Variants in PSMD14 observed in about 807,000 individuals in gnomAD.
PSMD14 encodes ubiquitin C-terminal hydrolase PSMD14.
In PSMD14, 7 loss-of-function variants were observed where a neutral mutation model predicts 41.2. The observed-to-expected ratio is 0.17, with a 90% CI of 0.10 to 0.32. The LOEUF is 0.32. Among genes scored for constraint, PSMD14 ranks in the 10% least tolerant of loss-of-function variants. The pLI is 1.00. For synonymous variants in PSMD14, 114 were observed against 122.3 expected (o/e 0.93, Z 0.45); for missense variants, 139 against 375.6 (o/e 0.37, Z 5.21).
At chr2:161,345,139 C>T (rs1683021780) in intron 3 of PSMD14, among the ~76,000 whole-genome samples, 1 of 151,312 alleles carries the variant, frequency 6.6e-6, no homozygotes, top group African/African-American at 2.4e-5. Flanking sequence ...ATTCTTTCCT[C>T]ATTTAATTGT....
chr2:161,335,136 T>C (rs1254497625), intron 3 of PSMD14, among the ~76,000 whole-genome samples: 2 of 152,358 alleles, frequency 1.3e-5, no homozygotes, highest in Non-Finnish European at 1.5e-5. Flanking sequence ...TAAATAGTTA[T>C]TTTTAAATAG....
At chr2:161,311,773 C>T (rs111454693) in intron 1 of PSMD14, among the ~76,000 whole-genome samples, 1 of 151,720 alleles carries the variant, frequency 6.6e-6, no homozygotes, top group Non-Finnish European at 1.5e-5. Context: ...TGCCATCACG[C>T]CCGGCTAGTT....
intron 9 of PSMD14, among the ~76,000 whole-genome samples, chr2:161,394,449 C>A (rs767901526): frequency 6.6e-6 from 1 of 152,156 alleles, no homozygotes; most frequent in Non-Finnish European, 1.5e-5. Context: ...AAGATTGACA[C>A]AAGGTCACTC....
chr2:161,312,471 TG>T (rs780827532), intron 1 of PSMD14, among the ~76,000 whole-genome samples: 6 of 152,208 alleles, frequency 3.9e-5, no homozygotes, highest in Non-Finnish European at 5.9e-5. Context: ...AAATCCAGCA[TG>T]GACATGATCT....
At chr2:161,310,107 C>T (rs781046327) in intron 1 of PSMD14, among the ~76,000 whole-genome samples, 22 of 152,016 alleles carry the variant, frequency 1.4e-4, no homozygotes, top group Non-Finnish European at 2.1e-4. Context: ...GCCAAGATCG[C>T]GCAACTGCAC....
chr2:161,359,272 C>T (rs1164556121), intron 3 of PSMD14, among the ~76,000 whole-genome samples: 3 of 152,124 alleles, frequency 2.0e-5, no homozygotes, highest in Non-Finnish European at 4.4e-5. Flanking sequence ...GTGCCTGGCC[C>T]TACTCAGTTC....
intron 10 of PSMD14, among the ~76,000 whole-genome samples, chr2:161,406,464 G>A (rs1214270748): frequency 6.6e-6 from 1 of 152,156 alleles, no homozygotes; most frequent in Non-Finnish European, 1.5e-5. Flanking sequence ...CCCTAGTGAG[G>A]ACACTGCCTG....
At chr2:161,332,331 T>C (rs1682806220) in intron 3 of PSMD14, among the ~76,000 whole-genome samples, 1 of 152,228 alleles carries the variant, frequency 6.6e-6, no homozygotes, top group East Asian at 1.9e-4. Context: ...TAAAACGTTT[T>C]CCTTACAGTC....
In PSMD14 at chr2:161,411,649, A is replaced by G. The variant is rs1336497908; in HGVS notation, c.*249A>G. 8.4e-6 allele frequency: 2 copies of G among 239,354 alleles called. No homozygotes were observed. The highest frequency in any genetic ancestry group is 4.5e-5 in the African/African-American group (2 of 44,536). 14.8% of individuals were successfully genotyped at this position (239,354 alleles called of 1,614,324 possible). On this transcript the variant is annotated 3_prime_UTR_variant, in exon 12 of 12. Transcript: ENST00000409682. ...AAATTTTGTTAAGATCCCATTTAAT[A>G]TTTGAAAAAATCAGTAGCACAAATA...
chr2:161,346,418 T>C (rs1408776770), intron 3 of PSMD14, among the ~76,000 whole-genome samples: 1 of 151,926 alleles, frequency 6.6e-6, no homozygotes, highest in Non-Finnish European at 1.5e-5. Context: ...TTGACAGTTT[T>C]AAAAACTTCT....
chr2:161,327,015 A>G lies in PSMD14; in HGVS notation c.48+8142A>G, dbSNP rs116357718. Among the ~76,000 whole-genome samples, 178 of 152,292 alleles carry G rather than the reference A, an allele frequency of 1.2e-3. 1 individual carries two copies. Among genetic ancestry groups the G allele is most frequent in the Non-Finnish European group, 1.8e-3 (125 of 68,022 alleles). ...TTGATATGGAGGGCTGATTGTACAT[A>G]CAATGGAATATTATTAAACTTTAAA... On this transcript the variant is annotated intron_variant, in intron 3 of 11. Transcript: ENST00000409682.
chr2:161,320,732 T>A (rs1682562328), intron 3 of PSMD14, among the ~76,000 whole-genome samples: 1 of 152,000 alleles, frequency 6.6e-6, no homozygotes, highest in Non-Finnish European at 1.5e-5. Flanking sequence ...TTATTTATTA[T>A]AATTTTTTTT....
chr2:161,341,434 T>G (rs1682960193), intron 3 of PSMD14: 1 of 405,186 alleles, frequency 2.5e-6, no homozygotes, highest in Non-Finnish European at 3.4e-6. Context: ...TGAATAGAAG[T>G]TCTTTATCAA....
chr2:161,406,953 T>C (rs1160235639), intron 10 of PSMD14, among the ~76,000 whole-genome samples: 1 of 152,174 alleles, frequency 6.6e-6, no homozygotes, highest in Non-Finnish European at 1.5e-5. Context: ...CTATCTACCA[T>C]CTTTGTTGTT....
At chr2:161,410,997 T>TA (rs981068047) in intron 11 of PSMD14, among the ~76,000 whole-genome samples, 28 of 152,222 alleles carry the variant, frequency 1.8e-4, no homozygotes, top group African/African-American at 5.8e-4. Context: ...TGAAATTTTT[T>TA]AAAAAATCAG....
At chr2:161,406,235 A>G (rs1683946003) in intron 10 of PSMD14, among the ~76,000 whole-genome samples, 2 of 152,176 alleles carry the variant, frequency 1.3e-5, no homozygotes, top group Admixed American at 1.3e-4. Context: ...TTATGATCAC[A>G]TAACAGACCA....
chr2:161,400,511 A>G (rs368571075), intron 10 of PSMD14, among the ~76,000 whole-genome samples: 1 of 152,172 alleles, frequency 6.6e-6, no homozygotes, highest in Non-Finnish European at 1.5e-5. Context: ...GAGATGTACA[A>G]CAATTTGAAA....
rs377513600 is a variant in PSMD14 at position 161,350,291 on chromosome 2, TA to T, written c.49-17186del. 5.3e-4 allele frequency among the ~76,000 whole-genome samples: 80 copies of T among 152,328 alleles called. 2 individuals carry two copies. In the East Asian group the frequency reaches 0.015, roughly 28 times the overall value. On this transcript the variant is annotated intron_variant, in intron 3 of 11. Transcript: ENST00000409682. ...ATTTTTAGTATAAGTATGTCCCAAA[TA>T]CAGCCTGGGATGTACTTAGTAAAAA...
rs1683657781 is a variant in PSMD14, at chr2:161,388,184, G to A, written c.570+2613G>A. Among the ~76,000 whole-genome samples, 4 of 152,130 alleles carry A rather than the reference G, an allele frequency of 2.6e-5. No individual in the cohort carries two copies. The South Asian group carries it at 8.3e-4, about 31-fold the overall frequency. ...ACTAAATATTGATGCATAGATGCAT[G>A]TGCTAAGGCTAAGAGCCTCTAAGTA... On this transcript the variant is annotated intron_variant, in intron 8 of 11. Coordinates refer to ENST00000409682, the MANE Select transcript of PSMD14 (RefSeq NM_005805.6).
Sources: gnomAD v4.1 joint callset for allele counts (sites outside exome capture counted in the v4.1 genomes callset) on GRCh38, gnomAD v4.1.1 for gene constraint, MANE v1.5 for transcripts, NCBI Gene and HGNC (gene_info 2026-07-23, HGNC 2026-07-21) for gene names.